ZSWIM6: variants seen among roughly 807,000 people sequenced by gnomAD.
ZSWIM6 encodes the protein zinc finger SWIM-type containing 6.
ZSWIM6 carries 9 observed loss-of-function variants against 113.2 expected under a neutral mutation model. The ratio of observed to expected loss-of-function variants is 0.08; its 90% CI spans 0.05 to 0.14. The LOEUF is 0.14. Ranked by LOEUF, ZSWIM6 falls within the 10% of genes least tolerant of loss-of-function variation. ZSWIM6 has a pLI of 1.00. For missense variants in ZSWIM6, 1,162 were observed against 1,552.2 expected (o/e 0.75, Z 4.22); for synonymous variants, 611 against 606.5 (o/e 1.01, Z -0.11).
At chr5:61,449,650 A>G (rs1747043225) in intron 1 of ZSWIM6, among the ~76,000 whole-genome samples, 1 of 152,184 alleles carries the variant, frequency 6.6e-6, no homozygotes, top group African/African-American at 2.4e-5. Context: ...GTTTGGTTCT[A>G]CTGAGATTTT....
intron 1 of ZSWIM6, among the ~76,000 whole-genome samples, chr5:61,344,822 T>C (rs970687738): frequency 1.3e-5 from 2 of 152,232 alleles, no homozygotes; most frequent in African/African-American, 4.8e-5. Context: ...GTCAAAAACT[T>C]AACTTTCAGA....
chr5:61,364,930 T>G (rs530026564), intron 1 of ZSWIM6, among the ~76,000 whole-genome samples: 1 of 152,342 alleles, frequency 6.6e-6, no homozygotes, highest in African/African-American at 2.4e-5. Flanking sequence ...TTTCATGGTC[T>G]AATGGCAGAG....
At chr5:61,398,212 A>C (rs1320122388) in intron 1 of ZSWIM6, among the ~76,000 whole-genome samples, 2 of 152,158 alleles carry the variant, frequency 1.3e-5, no homozygotes, top group African/African-American at 4.8e-5. Flanking sequence ...GGTGAGTGGC[A>C]GGCAATTGAG....
At chr5:61,443,672 T>G (rs1227948602) in intron 1 of ZSWIM6, among the ~76,000 whole-genome samples, 1 of 152,140 alleles carries the variant, frequency 6.6e-6, no homozygotes, top group Non-Finnish European at 1.5e-5. Context: ...ATAAGAACAT[T>G]TACTCTTTGA....
chr5:61,539,904 A>G (rs1253526571), intron 12 of ZSWIM6, 145 bp downstream of exon 12: 1 of 812,414 alleles, frequency 1.2e-6, no homozygotes, highest in Non-Finnish European at 1.9e-6. Flanking sequence ...AGAGAACTGT[A>G]TTTCAGAGAC....
At chr5:61,384,113 C>T (rs945372871) in intron 1 of ZSWIM6, among the ~76,000 whole-genome samples, 3 of 150,736 alleles carry the variant, frequency 2.0e-5, no homozygotes, top group East Asian at 4.0e-4. Context: ...CGGTGGCGGG[C>T]GCCTGTAGTC....
At chr5:61,339,056 A>G (rs1409914751) in intron 1 of ZSWIM6, among the ~76,000 whole-genome samples, 4 of 152,226 alleles carry the variant, frequency 2.6e-5, no homozygotes, top group Non-Finnish European at 5.9e-5. Flanking sequence ...AATGTTTCAT[A>G]TGGAAAGATA....
chr5:61,355,540 T>C (rs114251615), intron 1 of ZSWIM6, among the ~76,000 whole-genome samples: 2,481 of 150,320 alleles, frequency 0.017, 26 homozygotes, highest in Non-Finnish European at 0.026. Context: ...GTTTTGTAAC[T>C]AAGTGTTAGA....
chr5:61,444,361 G>C (rs2112150505), intron 1 of ZSWIM6, among the ~76,000 whole-genome samples: 1 of 152,090 alleles, frequency 6.6e-6, no homozygotes, highest in South Asian at 2.1e-4. Context: ...GGGACATTTA[G>C]GTTGGTTCCA....
chr5:61,355,440 ACACACACACAC>A (rs1561204654), intron 1 of ZSWIM6, among the ~76,000 whole-genome samples: 1,680 of 40,522 alleles, frequency 0.041, 37 homozygotes, highest in African/African-American at 0.14. Flanking sequence ...AAACACACAC[ACACACACACAC>A]ACACACACAC....
intron 1 of ZSWIM6, among the ~76,000 whole-genome samples, chr5:61,354,825 C>T (rs1485596219): frequency 1.3e-5 from 2 of 152,106 alleles, no homozygotes; most frequent in Non-Finnish European, 2.9e-5. Context: ...TAGTCTGCCT[C>T]TGTATTCAGT....
At chr5:61,396,586 T>G (rs1344058176) in intron 1 of ZSWIM6, among the ~76,000 whole-genome samples, 1 of 151,388 alleles carries the variant, frequency 6.6e-6, no homozygotes, top group African/African-American at 2.4e-5. Flanking sequence ...GAATACAACA[T>G]TGTATTTAAC....
At chr5:61,494,986 A>G (rs1162204378) in intron 4 of ZSWIM6, among the ~76,000 whole-genome samples, 1 of 152,214 alleles carries the variant, frequency 6.6e-6, no homozygotes, top group East Asian at 1.9e-4. Flanking sequence ...GTTCATTAAA[A>G]GAATACTGGG....
chr5:61,333,772 GACACCCCTGTGCGGGCCGCGGC>G (rs1744323727), intron 1 of ZSWIM6, among the ~76,000 whole-genome samples: 1 of 151,854 alleles, frequency 6.6e-6, no homozygotes, highest in Admixed American at 6.6e-5. Context: ...GCTGCCTCCA[GACACCCCTGTGCGGGCCGCGGC>G]GCAGCCCTTG....
intron 1 of ZSWIM6, among the ~76,000 whole-genome samples, chr5:61,447,855 TCTCC>T (rs559091547): frequency 7.9e-5 from 12 of 152,206 alleles, no homozygotes; most frequent in Non-Finnish European, 1.0e-4. Flanking sequence ...CTCAAATCTA[TCTCC>T]CTGATGGACT....
chr5:61,375,486 TAAGA>T, intron 1 of ZSWIM6: 2 of 1,555,824 alleles, frequency 1.3e-6, no homozygotes, highest in Non-Finnish European at 1.7e-6. Context: ...AAGATGAGGA[TAAGA>T]AACAAGGAAA....
chr5:61,393,153 C>G (rs1354446613), intron 1 of ZSWIM6, among the ~76,000 whole-genome samples: 1 of 152,006 alleles, frequency 6.6e-6, no homozygotes, highest in Non-Finnish European at 1.5e-5. Context: ...GATTCTCCTG[C>G]CTCAGCCCTC....
chr5:61,542,035 A>G, intron 13 of ZSWIM6, 70 bp downstream of exon 13: 1 of 1,342,790 alleles, frequency 7.4e-7, no homozygotes, highest in Non-Finnish European at 1.0e-6. Flanking sequence ...AGTTACAGAC[A>G]TGTGAACATA....
intron 1 of ZSWIM6, among the ~76,000 whole-genome samples, chr5:61,407,354 A>C (rs1470801623): frequency 6.6e-6 from 1 of 152,240 alleles, no homozygotes; most frequent in Non-Finnish European, 1.5e-5. Context: ...AAATATTTGA[A>C]GAAATCACTG....
Sources: gnomAD v4.1 joint callset for allele counts (sites outside exome capture counted in the v4.1 genomes callset) on GRCh38, gnomAD v4.1.1 for gene constraint, MANE v1.5 for transcripts, NCBI Gene and HGNC (gene_info 2026-07-23, HGNC 2026-07-21) for gene names.